The following CCSER1 variants were observed in gnomAD, a reference collection of about 807,000 sequenced individuals.
CCSER1 encodes serine-rich coiled-coil domain-containing protein 1.
A neutral mutation model predicts 82.0 loss-of-function variants in CCSER1; 41 were observed. That is an observed-to-expected ratio of 0.50 (90% CI 0.39 to 0.65). The LOEUF (loss-of-function observed/expected upper bound fraction) is 0.65. CCSER1 is among the 30% of genes least tolerant of loss of function. The pLI is 0.00. For missense variants in CCSER1, 1,119 were observed against 1,064.2 expected, an observed-to-expected ratio of 1.05 and a Z score of -0.72; for synonymous variants, 414 against 383.9, an observed-to-expected ratio of 1.08 and a Z score of -0.92.
At chr4:90,137,350 T>G (rs1723879175) in intron 1 of CCSER1, among the ~76,000 whole-genome samples, 1 of 152,202 alleles carries the variant, frequency 6.6e-6, no homozygotes, top group Non-Finnish European at 1.5e-5. Context: ...AGCTTCATTA[T>G]CAACAACAAT....
intron 6 of CCSER1, among the ~76,000 whole-genome samples, chr4:90,672,412 A>G (rs992445467): frequency 6.6e-6 from 1 of 151,994 alleles, no homozygotes; most frequent in South Asian, 2.1e-4. Flanking sequence ...TTTCTTCTGC[A>G]GTTTCCTCAC....
chr4:90,778,679 T>A (rs1753300697), intron 7 of CCSER1, among the ~76,000 whole-genome samples: 1 of 152,060 alleles, frequency 6.6e-6, no homozygotes, highest in African/African-American at 2.4e-5. Context: ...GTGAAGCAAA[T>A]GAACTACATG....
intron 6 of CCSER1, among the ~76,000 whole-genome samples, chr4:90,691,663 A>G (rs1735982054): frequency 6.6e-6 from 1 of 150,620 alleles, no homozygotes; most frequent in Non-Finnish European, 1.5e-5. Context: ...ACACATGCAT[A>G]TGTACGTGTG....
intron 10 of CCSER1, among the ~76,000 whole-genome samples, chr4:91,216,928 G>A (rs1248560489): frequency 6.6e-6 from 1 of 152,162 alleles, no homozygotes; most frequent in Non-Finnish European, 1.5e-5. Context: ...ATTAAGCCAA[G>A]ATTTAGGGGG....
At chr4:91,232,024 A>G (rs1738664429) in intron 10 of CCSER1, among the ~76,000 whole-genome samples, 1 of 151,896 alleles carries the variant, frequency 6.6e-6, no homozygotes, top group Admixed American at 6.6e-5. Context: ...ATTAAAACAA[A>G]TGACAAAAAT....
At chr4:91,519,440 T>A (rs1760327825) in intron 10 of CCSER1, among the ~76,000 whole-genome samples, 1 of 152,136 alleles carries the variant, frequency 6.6e-6, no homozygotes, top group Admixed American at 6.5e-5. Flanking sequence ...CGAGGTGCAG[T>A]GGAATCAAGT....
intron 10 of CCSER1, among the ~76,000 whole-genome samples, chr4:91,406,812 G>T (rs1266509789): frequency 6.6e-6 from 1 of 152,088 alleles, no homozygotes; most frequent in African/African-American, 2.4e-5. Context: ...GATAAAACTT[G>T]AGGCACTAGA....
At chr4:91,012,075 G>T (rs1739042936) in intron 9 of CCSER1, among the ~76,000 whole-genome samples, 2 of 134,900 alleles carry the variant, frequency 1.5e-5, no homozygotes, top group African/African-American at 4.9e-5. Flanking sequence ...TCAGCCTTGG[G>T]ATGTGTGACT....
chr4:91,523,994 AAATCTAACATTGG>A (rs1171083692), intron 10 of CCSER1, among the ~76,000 whole-genome samples: 1 of 152,228 alleles, frequency 6.6e-6, no homozygotes, highest in Admixed American at 6.5e-5. Flanking sequence ...GAACAACAAC[AAATCTAACATTGG>A]AGGAATGCCT....
intron 6 of CCSER1, among the ~76,000 whole-genome samples, chr4:90,657,789 T>A (rs1055658185): frequency 6.6e-6 from 1 of 152,218 alleles, no homozygotes; most frequent in East Asian, 1.9e-4. Flanking sequence ...TAATTACAAT[T>A]ATGTTAAGAC....
chr4:91,210,554 T>A (rs1247751070), intron 10 of CCSER1, among the ~76,000 whole-genome samples: 1 of 151,556 alleles, frequency 6.6e-6, no homozygotes, highest in African/African-American at 2.4e-5. Flanking sequence ...TTTTTTTTTT[T>A]AATACTCCTT....
At position 90,303,911 on chromosome 4, in the gene CCSER1, G is replaced by C. The variant is rs531676906; in HGVS notation, c.-41-4333G>C. 3.9e-4 allele frequency among the ~76,000 whole-genome samples: 59 copies of C among 151,886 alleles called. No homozygotes were observed. In the East Asian group the frequency reaches 7.9e-3, roughly 20 times the overall value. ...TTTCGCAACCTACTCATCTGACAAA[G>C]GGCTAATATCCAGAATCTACAATGA... On this transcript the variant is annotated intron_variant, in intron 1 of 10. Coordinates refer to ENST00000509176, the MANE Select transcript of CCSER1 (RefSeq NM_001145065.2).
intron 10 of CCSER1, among the ~76,000 whole-genome samples, chr4:91,427,528 A>G (rs1012676485): frequency 6.6e-6 from 1 of 152,256 alleles, no homozygotes; most frequent in Admixed American, 6.5e-5. Context: ...AGTTTAGGAT[A>G]TACAATGGAG....
At chr4:90,508,840 A>G (rs958462530) in intron 5 of CCSER1, among the ~76,000 whole-genome samples, 1 of 152,098 alleles carries the variant, frequency 6.6e-6, no homozygotes, top group Non-Finnish European at 1.5e-5. Context: ...GACAATAGAA[A>G]TAACTTTATC....
chr4:91,066,602 C>A lies in CCSER1; in HGVS notation c.2173-19348C>A, dbSNP rs554901288. On this transcript the variant is annotated intron_variant, in intron 9 of 10. Coordinates refer to ENST00000509176, the MANE Select transcript of CCSER1 (RefSeq NM_001145065.2). Reference sequence around the variant, plus strand: ...AAGCCGGTGTGAATAGATAATTATTCTTCTGCGTAACTGGAGAAGTAGAAC... The same window carrying A: ...AAGCCGGTGTGAATAGATAATTATTATTCTGCGTAACTGGAGAAGTAGAAC... Among the ~76,000 whole-genome samples, 43 of 152,132 alleles carry A rather than the reference C, an allele frequency of 2.8e-4. No individual in the cohort carries two copies. In the South Asian group the frequency reaches 4.6e-3, roughly 16 times the overall value.
intron 6 of CCSER1, among the ~76,000 whole-genome samples, chr4:90,692,253 G>C (rs747379993): frequency 2.2e-4 from 34 of 151,744 alleles, no homozygotes; most frequent in Admixed American, 7.2e-4. Context: ...TCTGTGTTAT[G>C]TGACTTAATT....
chr4:91,587,972 CAAG>C (rs931627285), intron 10 of CCSER1, among the ~76,000 whole-genome samples: 37 of 148,492 alleles, frequency 2.5e-4, no homozygotes, highest in African/African-American at 7.4e-4. Context: ...TTTCAGTGAG[CAAG>C]AAGTTAAGAT....
intron 5 of CCSER1, among the ~76,000 whole-genome samples, chr4:90,497,744 A>G (rs751329589): frequency 2.6e-5 from 4 of 152,168 alleles, no homozygotes; most frequent in Admixed American, 1.3e-4. Context: ...ACACATCTCA[A>G]TGGTCACTGG....
At chr4:91,396,390 A>C (rs899490099) in intron 10 of CCSER1, among the ~76,000 whole-genome samples, 2 of 152,212 alleles carry the variant, frequency 1.3e-5, no homozygotes, top group Non-Finnish European at 2.9e-5. Flanking sequence ...CAGACTCTGG[A>C]ACTTAGTAAG....
Sources: gnomAD v4.1 joint callset for allele counts (sites outside exome capture counted in the v4.1 genomes callset) on GRCh38, gnomAD v4.1.1 for gene constraint, MANE v1.5 for transcripts, NCBI Gene and HGNC (gene_info 2026-07-23, HGNC 2026-07-21) for gene names.